RBMS1: variants seen among roughly 807,000 people sequenced by gnomAD.
The protein encoded by RBMS1 is RNA-binding motif, single-stranded-interacting protein 1.
Under a neutral mutation model 62.3 loss-of-function variants are expected in RBMS1, and 17 were observed. The ratio of observed to expected loss-of-function variants is 0.27; its 90% CI spans 0.19 to 0.41. The LOEUF (loss-of-function observed/expected upper bound fraction) is 0.41. Ranked by LOEUF, RBMS1 falls within the 10% of genes least tolerant of loss-of-function variation. The pLI is 1.00. For synonymous variants in RBMS1, 172 were observed against 170.0 expected, an observed-to-expected ratio of 1.01 and a Z score of -0.09; for missense variants, 334 against 504.5, an observed-to-expected ratio of 0.66 and a Z score of 3.24.
chr2:160,404,620 G>C (rs1695599457), intron 1 of RBMS1, among the ~76,000 whole-genome samples: 1 of 152,148 alleles, frequency 6.6e-6, no homozygotes, highest in East Asian at 1.9e-4. Context: ...TCAGGACCTT[G>C]AGCCATCCTG....
intron 1 of RBMS1, among the ~76,000 whole-genome samples, chr2:160,480,716 T>C (rs930742282): frequency 2.0e-5 from 3 of 152,084 alleles, no homozygotes; most frequent in African/African-American, 7.2e-5. Context: ...ATGCTAAAAT[T>C]TATAAGGAAA....
intron 7 of RBMS1, among the ~76,000 whole-genome samples, chr2:160,285,946 G>A (rs1688362538): frequency 1.3e-5 from 2 of 151,492 alleles, no homozygotes; most frequent in Admixed American, 1.3e-4. Context: ...CCCATCTCTA[G>A]TAAAAATACA....
At chr2:160,356,942 AT>A (rs530409505) in intron 2 of RBMS1, among the ~76,000 whole-genome samples, 7 of 151,958 alleles carry the variant, frequency 4.6e-5, no homozygotes, top group Non-Finnish European at 8.8e-5. Context: ...ATTACACAGA[AT>A]TTTTTTTCAC....
intron 1 of RBMS1, among the ~76,000 whole-genome samples, chr2:160,476,578 A>G (rs1312743524): frequency 4.5e-5 from 6 of 134,398 alleles, no homozygotes; most frequent in Admixed American, 3.8e-4. Flanking sequence ...TTTTTGAGAC[A>G]GAGTCTCGCT....
chr2:160,425,317 A>G (rs575331876), intron 1 of RBMS1, among the ~76,000 whole-genome samples: 3 of 152,280 alleles, frequency 2.0e-5, no homozygotes, highest in East Asian at 1.9e-4. Flanking sequence ...TCAAAATAAC[A>G]TTTGTCTTCC....
At chr2:160,388,371 A>T (rs1178703327) in intron 1 of RBMS1, among the ~76,000 whole-genome samples, 1 of 152,114 alleles carries the variant, frequency 6.6e-6, no homozygotes, top group East Asian at 1.9e-4. Flanking sequence ...GAGGGACCCA[A>T]TGGTTTACAT....
intron 1 of RBMS1, among the ~76,000 whole-genome samples, chr2:160,423,823 A>C (rs545925553): frequency 1.3e-5 from 2 of 152,060 alleles, no homozygotes; most frequent in African/African-American, 4.8e-5. Context: ...TCTCTCTCTG[A>C]TATCACTACT....
intron 4 of RBMS1, among the ~76,000 whole-genome samples, chr2:160,308,436 T>C (rs748714479): frequency 6.6e-6 from 1 of 151,364 alleles, no homozygotes. Flanking sequence ...ACAAAAATCA[T>C]CTCCCTGAAA....
At chr2:160,370,101 G>A (rs1245590960) in intron 1 of RBMS1, among the ~76,000 whole-genome samples, 1 of 152,138 alleles carries the variant, frequency 6.6e-6, no homozygotes, top group Admixed American at 6.5e-5. Context: ...AAATCTCCCA[G>A]CATCTGATCC....
intron 2 of RBMS1, among the ~76,000 whole-genome samples, chr2:160,322,152 G>A (rs987764821): frequency 6.6e-6 from 1 of 152,164 alleles, no homozygotes; most frequent in Admixed American, 6.5e-5. Context: ...ACAATCTTAT[G>A]AGGTAGGTGT....
At position 160,379,227 on chromosome 2, in the gene RBMS1, A is replaced by C. The variant is rs898201134; in HGVS notation, c.76-11836T>G. On this transcript the variant is annotated intron_variant, in intron 1 of 13. Transcript: ENST00000348849. Reference sequence around the variant, plus strand: ...ATAGAGGAAGAACCTGTCTTAAAAAAAAAAAAAAAAGTTAATGTGAACCTT... The same window carrying C: ...ATAGAGGAAGAACCTGTCTTAAAAACAAAAAAAAAAGTTAATGTGAACCTT... 1.6e-4 allele frequency among the ~76,000 whole-genome samples: 25 copies of C among 152,302 alleles called. No individual in the cohort carries two copies. The South Asian group carries it at 5.2e-3, about 32-fold the overall frequency.
At chr2:160,354,793 G>GC (rs1692703579) in intron 2 of RBMS1, among the ~76,000 whole-genome samples, 1 of 152,120 alleles carries the variant, frequency 6.6e-6, no homozygotes, top group South Asian at 2.1e-4. Flanking sequence ...AAGTGGTCCT[G>GC]GCCCCTTAAG....
intron 1 of RBMS1, among the ~76,000 whole-genome samples, chr2:160,383,517 T>C (rs978547152): frequency 2.6e-5 from 4 of 151,086 alleles, no homozygotes; most frequent in African/African-American, 7.3e-5. Flanking sequence ...TTTTAAAAAA[T>C]AGACAAATAA....
chr2:160,405,494 A>G (rs990890607), intron 1 of RBMS1, among the ~76,000 whole-genome samples: 5 of 152,222 alleles, frequency 3.3e-5, no homozygotes, highest in Non-Finnish European at 5.9e-5. Flanking sequence ...CATGGTAACC[A>G]GGTCCCCGCG....
intron 1 of RBMS1, among the ~76,000 whole-genome samples, chr2:160,466,692 A>T (rs1213192638): frequency 6.6e-6 from 1 of 152,222 alleles, no homozygotes; most frequent in Non-Finnish European, 1.5e-5. Flanking sequence ...TACAGTTTTG[A>T]TCTTTATTGT....
chr2:160,471,688 G>GGT (rs551305498), intron 1 of RBMS1, among the ~76,000 whole-genome samples: 1,027 of 20,274 alleles, frequency 0.051, 48 homozygotes, highest in African/African-American at 0.095. Flanking sequence ...GAAATCCTTT[G>GGT]GTGTATATAT....
chr2:160,428,048 T>C (rs1042348265), intron 1 of RBMS1, among the ~76,000 whole-genome samples: 2 of 152,016 alleles, frequency 1.3e-5, no homozygotes, highest in Non-Finnish European at 2.9e-5. Flanking sequence ...AGAGAAAACA[T>C]GCAGGATGGC....
At position 160,428,895 on chromosome 2, in the gene RBMS1, G is replaced by T. The variant is rs190473952; in HGVS notation, c.76-61504C>A. ...TGTATGGCGTAATGGTGATAACCATGTTCCTTCCCTATTGGCTATGAAAAT... is the reference window on the plus strand; with the variant it reads ...TGTATGGCGTAATGGTGATAACCATTTTCCTTCCCTATTGGCTATGAAAAT... On this transcript the variant is annotated intron_variant, in intron 1 of 13. Transcript: ENST00000348849. Among the ~76,000 whole-genome samples the T allele has an allele frequency of 1.5e-3, 236 of 152,282 alleles. 5 individuals are homozygous for T. The highest frequency in any genetic ancestry group is 0.01 in the Middle Eastern group (3 of 294).
intron 2 of RBMS1, among the ~76,000 whole-genome samples, chr2:160,365,359 G>C (rs549449274): frequency 6.6e-6 from 1 of 152,334 alleles, no homozygotes; most frequent in East Asian, 1.9e-4. Flanking sequence ...ACGGGAGAGA[G>C]TGAGGGCTGC....
Sources: allele counts gnomAD v4.1 joint callset (sites outside exome capture counted in the v4.1 genomes callset), GRCh38; gene constraint gnomAD v4.1.1; transcripts MANE v1.5; gene names NCBI Gene and HGNC (gene_info 2026-07-23, HGNC 2026-07-21).